The following PLCB4 variants were observed in gnomAD, a reference collection of about 807,000 sequenced individuals.
PLCB4 encodes 1-phosphatidylinositol 4,5-bisphosphate phosphodiesterase beta-4.
A neutral mutation model predicts 178.8 loss-of-function variants in PLCB4; 77 were observed. The ratio of observed to expected loss-of-function variants is 0.43; its 90% CI spans 0.36 to 0.52. PLCB4 has a LOEUF of 0.52. Ranked by LOEUF, PLCB4 falls within the 20% of genes least tolerant of loss-of-function variation. The probability of loss-of-function intolerance (pLI) is 0.00; values close to 1 mark genes in which losing one functional copy is unlikely to be tolerated. For missense variants in PLCB4, 1,024 were observed against 1,453.4 expected, an observed-to-expected ratio of 0.70 and a Z score of 4.80; for synonymous variants, 496 against 490.8, an observed-to-expected ratio of 1.01 and a Z score of -0.14.
chr20:9,148,712 A>G (rs2092641578), intron 2 of PLCB4, among the ~76,000 whole-genome samples: 1 of 152,166 alleles, frequency 6.6e-6, no homozygotes, highest in African/African-American at 2.4e-5. Flanking sequence ...GTAGGGAACA[A>G]TCTGTGCTAC....
intron 1 of PLCB4, among the ~76,000 whole-genome samples, chr20:9,093,780 C>T (rs1345163731): frequency 1.3e-5 from 2 of 151,786 alleles, no homozygotes; most frequent in Non-Finnish European, 2.9e-5. Context: ...TGGCATCTGG[C>T]GGGGTCAGTA....
intron 2 of PLCB4, among the ~76,000 whole-genome samples, chr20:9,144,230 T>A (rs141871236): frequency 6.6e-6 from 1 of 152,230 alleles, no homozygotes; most frequent in African/African-American, 2.4e-5. Flanking sequence ...ACCACATCTT[T>A]AAGGTTGATG....
chr20:9,069,722 A>G (rs1183820298), intron 1 of PLCB4, among the ~76,000 whole-genome samples: 1 of 152,220 alleles, frequency 6.6e-6, no homozygotes, highest in Non-Finnish European at 1.5e-5. Context: ...GCTTTAACCA[A>G]TTAGACTCTG....
chr20:9,401,631 G>A (rs757076313), intron 20 of PLCB4, 41 bp downstream of exon 20: 1 of 1,348,390 alleles, frequency 7.4e-7, no homozygotes, highest in South Asian at 1.2e-5. Flanking sequence ...AGAGGTAGCA[G>A]CTGTTATTTA....
intron 1 of PLCB4, among the ~76,000 whole-genome samples, chr20:9,091,224 A>C (rs1318378809): frequency 6.6e-6 from 1 of 152,102 alleles, no homozygotes; most frequent in East Asian, 1.9e-4. Flanking sequence ...AGCTTTAAAA[A>C]AAAAACATGC....
rs1477201141 is a variant in PLCB4 at position 9,385,545 on chromosome 20, G to T, written c.1064+1134G>T. ...AGGCGCTTCTCACATCCCAGACGGG[G>T]TGGCGGCCGGGCAAAGGCTCTCCTC... On this transcript the variant is annotated intron_variant, in intron 14 of 39. Transcript: ENST00000378473. 8.6e-5 allele frequency among the ~76,000 whole-genome samples: 13 copies of T among 150,458 alleles called. 1 individual carries two copies. The highest frequency in any genetic ancestry group is 7.3e-4 in the Admixed American group (11 of 15,086).
chr20:9,419,180 A>G (rs1025547218), intron 25 of PLCB4, among the ~76,000 whole-genome samples: 1 of 152,070 alleles, frequency 6.6e-6, no homozygotes, highest in Non-Finnish European at 1.5e-5. Context: ...TGTTTCTACT[A>G]GAAATGGAGA....
At chr20:9,337,061 AT>A in intron 4 of PLCB4, 64 bp from the exon 5 acceptor site, 1 of 1,002,024 alleles carries the variant, frequency 1.0e-6, no homozygotes, top group East Asian at 2.4e-5. Flanking sequence ...GCTCAGCAAT[AT>A]TTTCATTTTT....
chr20:9,138,872 G>A (rs2092434444), intron 2 of PLCB4, among the ~76,000 whole-genome samples: 1 of 152,098 alleles, frequency 6.6e-6, no homozygotes, highest in Non-Finnish European at 1.5e-5. Context: ...ATTTTTGAGT[G>A]CTGCTTACTA....
intron 25 of PLCB4, among the ~76,000 whole-genome samples, chr20:9,413,658 C>CAAAA (rs869124730): frequency 5.9e-5 from 4 of 67,382 alleles, no homozygotes; most frequent in Non-Finnish European, 9.8e-5. Context: ...GACTCCATCT[C>CAAAA]AAAAAAAAAA....
chr20:9,380,580 T>C (rs2037058592), intron 13 of PLCB4, among the ~76,000 whole-genome samples: 1 of 152,206 alleles, frequency 6.6e-6, no homozygotes, highest in African/African-American at 2.4e-5. Flanking sequence ...TGATTTGATG[T>C]GCAGTAACCC....
rs187893235 is a variant in PLCB4, at chr20:9,177,568, A to G, written c.-78-39822A>G. Among the ~76,000 whole-genome samples the G allele has an allele frequency of 2.0e-5, 3 of 152,282 alleles. No individual in the cohort carries two copies. The East Asian group carries it at 5.8e-4, about 29-fold the overall frequency. On this transcript the variant is annotated intron_variant, in intron 2 of 39. Coordinates refer to ENST00000378473, the MANE Select transcript of PLCB4 (RefSeq NM_001377142.1). Reference sequence around the variant, plus strand: ...TTGAAAGCAACTTAGAACCAATGTAAGTAATTCAGTTTCTCAAGCTAGTGT... The same window carrying G: ...TTGAAAGCAACTTAGAACCAATGTAGGTAATTCAGTTTCTCAAGCTAGTGT...
intron 3 of PLCB4, among the ~76,000 whole-genome samples, chr20:9,256,447 C>G (rs2147515722): frequency 6.6e-6 from 1 of 152,350 alleles, no homozygotes; most frequent in East Asian, 1.9e-4. Flanking sequence ...AAACTTACCC[C>G]TGCAAATCTC....
At chr20:9,317,667 T>A (rs1304078240) in intron 4 of PLCB4, among the ~76,000 whole-genome samples, 1 of 152,098 alleles carries the variant, frequency 6.6e-6, no homozygotes, top group South Asian at 2.1e-4. Context: ...CCCACTAGAT[T>A]TACAAGGAGC....
intron 7 of PLCB4, among the ~76,000 whole-genome samples, chr20:9,353,186 C>T (rs1015517120): frequency 6.6e-6 from 1 of 152,214 alleles, no homozygotes; most frequent in African/African-American, 2.4e-5. Flanking sequence ...AGGTTGCTGT[C>T]AGTCATTATC....
chr20:9,309,793 A>G (rs1327076584), intron 4 of PLCB4, among the ~76,000 whole-genome samples: 1 of 152,224 alleles, frequency 6.6e-6, no homozygotes, highest in Non-Finnish European at 1.5e-5. Flanking sequence ...GATTCATTTG[A>G]ATCCTTCTTA....
chr20:9,451,383 T>C (rs1330561713), intron 32 of PLCB4, among the ~76,000 whole-genome samples: 5 of 152,342 alleles, frequency 3.3e-5, no homozygotes, highest in Admixed American at 1.3e-4. Flanking sequence ...CTTTCAATGA[T>C]ATTTGCAAGA....
chr20:9,468,450 G>C, intron 35 of PLCB4, 121 bp from the exon 36 acceptor site: 1 of 681,766 alleles, frequency 1.5e-6, no homozygotes, highest in Non-Finnish European at 2.7e-6. Context: ...ACTTTGTTGT[G>C]TACCCGTCAC....
intron 32 of PLCB4, among the ~76,000 whole-genome samples, chr20:9,444,607 C>G (rs547173870): frequency 6.6e-6 from 1 of 152,086 alleles, no homozygotes; most frequent in African/African-American, 2.4e-5. Flanking sequence ...ACTAAAAATA[C>G]AAAAATTAGC....
Sources: gnomAD v4.1 joint callset for allele counts (sites outside exome capture counted in the v4.1 genomes callset) on GRCh38, gnomAD v4.1.1 for gene constraint, MANE v1.5 for transcripts, NCBI Gene and HGNC (gene_info 2026-07-23, HGNC 2026-07-21) for gene names.